IRS2: variants seen among roughly 807,000 people sequenced by gnomAD.
IRS2 encodes the protein insulin receptor substrate 2.
IRS2 carries 28 observed loss-of-function variants against 70.9 expected under a neutral mutation model. That is an observed-to-expected ratio of 0.39 (90% CI 0.29 to 0.54). The LOEUF is 0.54. IRS2 is among the 20% of genes least tolerant of loss of function. The pLI is 0.59. For missense variants in IRS2, 2,081 were observed against 2,024.1 expected (o/e 1.03, Z -0.54); for synonymous variants, 1,217 against 981.9 (o/e 1.24, Z -4.48).
chr13:109,782,898 G>A lies in IRS2; in HGVS notation c.3156C>T (p.Thr1052=), dbSNP rs569375321. Residue 1052 remains threonine, a synonymous_variant, in exon 1 of 2, where the codon ACC becomes ACT. Coordinates refer to ENST00000375856, the MANE Select transcript of IRS2 (RefSeq NM_003749.3). ...YRLPPASAVA[T]AQGPGAASSL... is the part of the protein sequence containing the mutation. ...ATGAGGCGGCGCCCGGGCCCTGGGCGGTGGCAACGGCCGAGGCGGGGGGCA... is the reference window on the plus strand; with the variant it reads ...ATGAGGCGGCGCCCGGGCCCTGGGCAGTGGCAACGGCCGAGGCGGGGGGCA... The A allele has an allele frequency of 9.7e-6, 15 of 1,553,098 alleles. No homozygotes were observed. The East Asian group carries it at 2.6e-4, about 27-fold the overall frequency.
At chr13:109,763,013 G>C (rs1028399117) in intron 1 of IRS2, among the ~76,000 whole-genome samples, 1 of 152,192 alleles carries the variant, frequency 6.6e-6, no homozygotes, top group African/African-American at 2.4e-5. Context: ...GGGCACAGCC[G>C]TGCTCACGCA....
chr13:109,780,503 G>T, intron 1 of IRS2, among the ~76,000 whole-genome samples: 1 of 152,200 alleles, frequency 6.6e-6, no homozygotes, highest in East Asian at 1.9e-4. Context: ...CTAGTATACG[G>T]TTTTAATAAA....
rs146508981 is a variant in IRS2, at chr13:109,774,411, G to A, written c.4012+7631C>T. Among the ~76,000 whole-genome samples, 221 of 152,170 alleles carry A rather than the reference G, an allele frequency of 1.5e-3. 2 individuals are homozygous for A. The highest frequency in any genetic ancestry group is 4.9e-3 in the African/African-American group (202 of 41,516). On this transcript the variant is annotated intron_variant, in intron 1 of 1. Coordinates refer to ENST00000375856, the MANE Select transcript of IRS2 (RefSeq NM_003749.3). Reference sequence around the variant, plus strand: ...AAAAACTGATTTCAATAAATAGAGCGCTTTCCTACCAGTCTTCCTCCTCAA... The same window carrying A: ...AAAAACTGATTTCAATAAATAGAGCACTTTCCTACCAGTCTTCCTCCTCAA...
At chr13:109,765,164 A>T (rs1484027597) in intron 1 of IRS2, among the ~76,000 whole-genome samples, 1 of 152,224 alleles carries the variant, frequency 6.6e-6, no homozygotes, top group African/African-American at 2.4e-5. Context: ...CTATACAAAA[A>T]GGTGCCCTAA....
At chr13:109,769,173 T>C (rs1877398499) in intron 1 of IRS2, among the ~76,000 whole-genome samples, 1 of 152,302 alleles carries the variant, frequency 6.6e-6, no homozygotes, top group South Asian at 2.1e-4. Flanking sequence ...GAGGAAGAAA[T>C]TCGAGTTGAC....
intron 1 of IRS2, among the ~76,000 whole-genome samples, chr13:109,757,789 C>A (rs1877138126): frequency 6.6e-6 from 1 of 152,136 alleles, no homozygotes; most frequent in African/African-American, 2.4e-5. Context: ...TTGAGCAATT[C>A]TCGTGTCTCA....
At chr13:109,781,208 G>A (rs971217769) in intron 1 of IRS2, among the ~76,000 whole-genome samples, 1 of 152,058 alleles carries the variant, frequency 6.6e-6, no homozygotes, top group Non-Finnish European at 1.5e-5. Flanking sequence ...GTCTCACCTG[G>A]GGCAGGGTCC....
Position 109,785,417 on chromosome 13 carries a change from G to A in IRS2, c.637C>T (p.Leu213=), listed in dbSNP as rs1167491307. ...KPKGLGQSKN[L]TGVYRLCLSA... Reference sequence around the variant, plus strand: ...AGGCACAGACGGTACACCCCCGTCAGGTTCTTGCTCTGGCCCAGACCCTTG... The same window carrying A: ...AGGCACAGACGGTACACCCCCGTCAAGTTCTTGCTCTGGCCCAGACCCTTG... Residue 213 remains leucine, a synonymous_variant, in exon 1 of 2, where the codon CTG becomes TTG. Transcript: ENST00000375856. This position sits in a 1 kb window ranked among gnomAD's most constrained non-coding sequence, Gnocchi z 9.3. 3.1e-6 allele frequency: 5 copies of A among 1,612,318 alleles called. No homozygotes were observed. The highest frequency in any genetic ancestry group is 4.2e-6 in the Non-Finnish European group (5 of 1,179,878).
intron 1 of IRS2, among the ~76,000 whole-genome samples, chr13:109,764,708 T>G (rs149372140): frequency 0.019 from 2,930 of 152,286 alleles, 37 homozygotes; most frequent in Non-Finnish European, 0.027. Flanking sequence ...AGAGCCACAG[T>G]GGTGTCTCTT....
chr13:109,772,994 C>T (rs1018388256), intron 1 of IRS2, among the ~76,000 whole-genome samples: 5 of 152,138 alleles, frequency 3.3e-5, no homozygotes, highest in South Asian at 4.1e-4. Context: ...CGCGCCCGGC[C>T]GCCTATTACA....
At position 109,780,356 on chromosome 13, in the gene IRS2, T is replaced by C. The variant is rs367946972; in HGVS notation, c.4012+1686A>G. Among the ~76,000 whole-genome samples, 4 of 152,294 alleles carry C rather than the reference T, an allele frequency of 2.6e-5. No individual in the cohort carries two copies. In the South Asian group the frequency reaches 6.2e-4, roughly 24 times the overall value. ...CTTCAACTTTCTGACACACTAGCAA[T>C]AGTGTATAAGTAACTCCAACCAAAG... is the stretch of plus-strand genomic sequence containing the variant. On this transcript the variant is annotated intron_variant, in intron 1 of 1. Coordinates refer to ENST00000375856, the MANE Select transcript of IRS2 (RefSeq NM_003749.3).
Position 109,785,555 on chromosome 13 carries a change from G to A in IRS2, c.499C>T (p.Leu167=). 2 of 1,480,748 alleles carry A rather than the reference G, an allele frequency of 1.4e-6. No homozygotes were observed. The highest frequency in any genetic ancestry group is 2.2e-5 in the Admixed American group (1 of 44,996). The allele number at this position is 1,480,748 out of a possible 1,614,324, so 91.7% of individuals were successfully genotyped here. The change falls in exon 1 of 2, where the codon CTG becomes TTG. Residue 167 remains leucine, a synonymous_variant. Transcript: ENST00000375856. This position sits in a 1 kb window ranked among gnomAD's most constrained non-coding sequence, Gnocchi z 9.3. Reference sequence around the variant, plus strand: ...GCAGAGCCGCCCAGGGCGCCGGGCAGGGAGGCGCTGCAGGACGCGGCGGGC... The same window carrying A: ...GCAGAGCCGCCCAGGGCGCCGGGCAAGGAGGCGCTGCAGGACGCGGCGGGC... ...AAPAASCSAS[L]PGALGGSAGA...
intron 1 of IRS2, 93 bp downstream of exon 1, chr13:109,781,949 G>T: frequency 1.4e-6 from 2 of 1,421,150 alleles, no homozygotes; most frequent in East Asian, 4.8e-5. Flanking sequence ...CTGGGTCAAG[G>T]TCCCCAAAAA....
In IRS2 at chr13:109,782,571, C is replaced by T. The variant is rs61747993; in HGVS notation, c.3483G>A (p.Val1161=). ...TFSSTTTVTP[V]SPSFAHNPKR... is the part of the protein sequence containing the mutation. ...TGGGGTTGTGGGCGAAGGACGGGGA[C>T]ACGGGGGTGACCGTCGTGGTGGAGG... The change falls in exon 1 of 2, where the codon GTG becomes GTA. Residue 1161 remains valine, a synonymous_variant. Transcript: ENST00000375856. The T allele has an allele frequency of 2.5e-5, 40 of 1,569,886 alleles. No homozygotes were observed. In the Admixed American group the frequency reaches 6.1e-4, roughly 24 times the overall value.
chr13:109,779,783 G>T (rs115220486), intron 1 of IRS2, among the ~76,000 whole-genome samples: 1 of 152,146 alleles, frequency 6.6e-6, no homozygotes, highest in Non-Finnish European at 1.5e-5. Context: ...AGCAGCCCCA[G>T]TGATCTCTCA....
chr13:109,770,642 C>T (rs1877432528), intron 1 of IRS2, among the ~76,000 whole-genome samples: 2 of 152,082 alleles, frequency 1.3e-5, no homozygotes, highest in African/African-American at 4.8e-5. Flanking sequence ...GCCAAGATTG[C>T]CTGCGGGGTG....
In IRS2 at chr13:109,755,226, T is replaced by TTTA; in HGVS notation, c.*1077_*1078insTAA. On this transcript the variant is annotated 3_prime_UTR_variant, in exon 2 of 2. Transcript: ENST00000375856. ...GTTTCTTTCTTTCCTTTTTTTTTTT[T>TTTA]CTTTTTGTTTTTTTTGTTCAGGGCA... The TTTA allele has an allele frequency of 7.5e-6, 1 of 134,020 alleles. No homozygotes were observed. Among genetic ancestry groups the TTTA allele is most frequent in the Non-Finnish European group, 1.4e-5 (1 of 72,588 alleles). 8.3% of individuals were successfully genotyped at this position (134,020 alleles called of 1,614,324 possible).
At chr13:109,775,611 A>G (rs1359965672) in intron 1 of IRS2, among the ~76,000 whole-genome samples, 1 of 152,164 alleles carries the variant, frequency 6.6e-6, no homozygotes, top group Non-Finnish European at 1.5e-5. Context: ...CTAACTGTAT[A>G]GGGATAAAGT....
At chr13:109,768,878 A>G (rs1877392996) in intron 1 of IRS2, among the ~76,000 whole-genome samples, 1 of 152,180 alleles carries the variant, frequency 6.6e-6, no homozygotes, top group Non-Finnish European at 1.5e-5. Context: ...TACCATCTTC[A>G]GGCCTCAGAT....
Sources: allele counts gnomAD v4.1 joint callset (sites outside exome capture counted in the v4.1 genomes callset), GRCh38; gene constraint gnomAD v4.1.1; non-coding constraint Gnocchi (gnomAD v3.1); transcripts MANE v1.5; gene names NCBI Gene and HGNC (gene_info 2026-07-23, HGNC 2026-07-21).